The following CDYL2 variants were observed in gnomAD, a reference collection of about 807,000 sequenced individuals.
CDYL2 encodes chromodomain Y like 2.
Under a neutral mutation model 49.4 loss-of-function variants are expected in CDYL2, and 23 were observed. The ratio of observed to expected loss-of-function variants is 0.47; its 90% confidence interval spans 0.34 to 0.66. CDYL2 has a LOEUF of 0.66. Ranked by LOEUF, CDYL2 falls within the 30% of genes least tolerant of loss-of-function variation. The pLI is 0.01. For missense variants in CDYL2, 678 were observed against 656.4 expected (o/e 1.03, Z -0.36); for synonymous variants, 360 against 268.8 (o/e 1.34, Z -3.32).
chr16:80,649,396 T>C (rs1369897463), intron 2 of CDYL2, among the ~76,000 whole-genome samples: 3 of 151,946 alleles, frequency 2.0e-5, no homozygotes, highest in Non-Finnish European at 4.4e-5. Context: ...TAGCCACAAA[T>C]AAAATTAAAT....
intron 1 of CDYL2, among the ~76,000 whole-genome samples, chr16:80,741,798 G>A (rs979263884): frequency 2.6e-5 from 4 of 152,160 alleles, no homozygotes; most frequent in Admixed American, 6.5e-5. Flanking sequence ...AGATGTTCAG[G>A]TAAAATGGGC....
intron 1 of CDYL2, among the ~76,000 whole-genome samples, chr16:80,783,935 C>T (rs774961731): frequency 8.5e-5 from 13 of 152,068 alleles, no homozygotes; most frequent in South Asian, 6.2e-4. Flanking sequence ...ATGCGGTTTC[C>T]GCTACATAAA....
At chr16:80,762,786 T>C (rs1433691723) in intron 1 of CDYL2, among the ~76,000 whole-genome samples, 1 of 152,128 alleles carries the variant, frequency 6.6e-6, no homozygotes, top group African/African-American at 2.4e-5. Context: ...TTGTTTGAGC[T>C]CTCATAGGGC....
intron 1 of CDYL2, among the ~76,000 whole-genome samples, chr16:80,770,174 T>A (rs1449013212): frequency 6.6e-6 from 1 of 152,146 alleles, no homozygotes; most frequent in Non-Finnish European, 1.5e-5. Flanking sequence ...AACTAAAATA[T>A]ATTAAGCCAT....
At chr16:80,671,987 G>A (rs907892684) in intron 2 of CDYL2, among the ~76,000 whole-genome samples, 3 of 152,204 alleles carry the variant, frequency 2.0e-5, no homozygotes, top group Non-Finnish European at 4.4e-5. Context: ...TATCCAAAAT[G>A]TGTGGGATCA....
chr16:80,770,537 A>G (rs1456906143), intron 1 of CDYL2, among the ~76,000 whole-genome samples: 2 of 152,154 alleles, frequency 1.3e-5, no homozygotes, highest in East Asian at 1.9e-4. Flanking sequence ...TACCACCCAT[A>G]TATTTTTCCT....
intron 3 of CDYL2, chr16:80,628,186 T>A (rs1315019404): frequency 6.6e-6 from 1 of 152,288 alleles, no homozygotes; most frequent in African/African-American, 2.4e-5. Flanking sequence ...CCTTGTAGAA[T>A]GTGCACCTCC....
chr16:80,777,861 T>C (rs1190538923), intron 1 of CDYL2, among the ~76,000 whole-genome samples: 1 of 152,042 alleles, frequency 6.6e-6, no homozygotes, highest in East Asian at 1.9e-4. Flanking sequence ...TAATTTGACA[T>C]TAAAAACTTG....
At chr16:80,674,780 A>C (rs766431958) in intron 2 of CDYL2, among the ~76,000 whole-genome samples, 8 of 152,260 alleles carry the variant, frequency 5.3e-5, no homozygotes, top group African/African-American at 9.6e-5. Flanking sequence ...TGACTGAATA[A>C]CATCCGTCGT....
In CDYL2 at chr16:80,608,227, C is replaced by G; in HGVS notation, c.1227G>C (p.Glu409Asp). ...PQILGVALAN[E>D]MLFCGRKLTA... ...TGAGCTTCCGCCCACAGAACAGCAT[C>G]TCATTGGCCTGAAAAAGCAAAAGCA... The change falls in exon 6 of 7, where the codon GAG becomes GAC. Residue 409 changes from glutamate to aspartate, a missense_variant. Glu to Asp is a conservative substitution (Grantham distance 45). This residue lies in a region of CDYL2 where 153 missense variants were observed against 150.6 expected (regional missense o/e 1.02). Coordinates refer to ENST00000570137, the MANE Select transcript of CDYL2 (RefSeq NM_152342.4). 1 of 1,573,016 alleles carries G rather than the reference C, an allele frequency of 6.4e-7. No homozygotes were observed. The highest frequency in any genetic ancestry group is 1.2e-5 in the South Asian group (1 of 85,654).
intron 4 of CDYL2, among the ~76,000 whole-genome samples, chr16:80,616,362 G>T (rs944466425): frequency 6.6e-6 from 1 of 152,174 alleles, no homozygotes; most frequent in African/African-American, 2.4e-5. Context: ...TATTATTATG[G>T]GTAGTGCATC....
At chr16:80,667,225 T>C (rs1211229869) in intron 2 of CDYL2, among the ~76,000 whole-genome samples, 1 of 151,956 alleles carries the variant, frequency 6.6e-6, no homozygotes, top group African/African-American at 2.4e-5. Flanking sequence ...ACAGATGGGG[T>C]GGGCTTCCAT....
At chr16:80,621,725 G>A (rs903162006) in intron 3 of CDYL2, among the ~76,000 whole-genome samples, 1 of 152,222 alleles carries the variant, frequency 6.6e-6, no homozygotes, top group South Asian at 2.1e-4. Flanking sequence ...ATCTGACATG[G>A]AAGAACTGTG....
chr16:80,613,062 C>A (rs1906673482), intron 4 of CDYL2, among the ~76,000 whole-genome samples: 1 of 152,092 alleles, frequency 6.6e-6, no homozygotes, highest in Admixed American at 6.6e-5. Context: ...TGCCCCAGTT[C>A]ATGCCCCATG....
chr16:80,761,535 T>G (rs896476062), intron 1 of CDYL2, among the ~76,000 whole-genome samples: 1 of 152,106 alleles, frequency 6.6e-6, no homozygotes, highest in African/African-American at 2.4e-5. Flanking sequence ...AAAATGAGTG[T>G]TCCCTGGCTC....
chr16:80,723,672 G>C (rs893251192), intron 1 of CDYL2, among the ~76,000 whole-genome samples: 5 of 152,176 alleles, frequency 3.3e-5, no homozygotes, highest in African/African-American at 7.2e-5. Flanking sequence ...AGTAAATAAA[G>C]TTTTATTGAT....
At chr16:80,802,868 A>G (rs1907968473) in intron 1 of CDYL2, among the ~76,000 whole-genome samples, 1 of 152,200 alleles carries the variant, frequency 6.6e-6, no homozygotes, top group South Asian at 2.1e-4. Context: ...TCGTGGGTGG[A>G]TCACCCTACA....
chr16:80,761,042 A>T (rs1906509997), intron 1 of CDYL2, among the ~76,000 whole-genome samples: 1 of 152,286 alleles, frequency 6.6e-6, no homozygotes. Flanking sequence ...GAGCGTTGTT[A>T]ATTGTGAAGA....
chr16:80,799,955 ATTTC>A (rs1377809098), intron 1 of CDYL2, among the ~76,000 whole-genome samples: 1 of 152,192 alleles, frequency 6.6e-6, no homozygotes, highest in Non-Finnish European at 1.5e-5. Flanking sequence ...TAGTACATGT[ATTTC>A]TTTGACAGGA....
Sources: gnomAD v4.1 joint callset for allele counts (sites outside exome capture counted in the v4.1 genomes callset) on GRCh38, gnomAD v4.1.1 for gene constraint, gnomAD v4.1.1 regional missense constraint, MANE v1.5 for transcripts, NCBI Gene and HGNC (gene_info 2026-07-23, HGNC 2026-07-21) for gene names.